Variants in MAGIX observed in about 807,000 individuals in gnomAD.
MAGIX encodes MAGI family member, X-linked.
MAGIX carries 13 observed loss-of-function variants against 10.0 expected under a neutral mutation model. That is an observed-to-expected ratio of 1.30 (90% CI 0.84 to 2.06). The LOEUF is 2.06. Ranked by LOEUF, MAGIX falls within the 30% of genes most tolerant of loss-of-function variation. MAGIX has a pLI of 0.00. For synonymous variants in MAGIX, 108 were observed against 106.8 expected, an observed-to-expected ratio of 1.01 and a Z score of -0.07; for missense variants, 235 against 245.2, an observed-to-expected ratio of 0.96 and a Z score of 0.28.
chrX:49,166,172 A>G, exon 5 of MAGIX: 2 of 1,211,449 alleles, frequency 1.7e-6, no homozygotes, highest in Non-Finnish European at 2.2e-6. Context: ...TCCATCCCGG[A>G]CGACGCTCAA....
exon 2 of MAGIX, chrX:49,163,846 GC>G: frequency 3.9e-6 from 4 of 1,037,437 alleles, no homozygotes; most frequent in Admixed American, 5.3e-5. Flanking sequence ...TTGGACGCGC[GC>G]CCCCTGGCGG....
intron 2 of MAGIX, chrX:49,164,220 G>A (rs782693618): frequency 3.3e-4 from 90 of 270,555 alleles, no homozygotes; most frequent in Admixed American, 2.4e-4. Flanking sequence ...AGAGTGCTTG[G>A]GGGGCGGGCA....
Position 49,166,517 on chromosome X carries a change from G to A in MAGIX, c.*118G>A, listed in dbSNP as rs1400658682. 4 of 581,724 alleles carry A rather than the reference G, an allele frequency of 6.9e-6. No homozygotes were observed. In the African/African-American group the frequency reaches 6.9e-5, roughly 10 times the overall value. 47.9% of individuals were successfully genotyped at this position (581,724 alleles called of 1,213,427 possible). A position where few individuals can be genotyped will look rare whatever the true frequency, so the allele number is the denominator to read the frequency against. ...TCCACTTGGTTTGGTCCCCCCACCC[G>A]CTGCTCAGTGGCTCTGACCACACTC... On this transcript the variant is annotated 3_prime_UTR_variant, in exon 5 of 5. Coordinates refer to ENST00000616266, the Ensembl canonical transcript of MAGIX.
downstream of MAGIX, chrX:49,168,489 A>C (rs1042892050): frequency 1.9e-5 from 2 of 104,265 alleles, no homozygotes; most frequent in Admixed American, 1.0e-4. Context: ...AAAAAAAAAA[A>C]AAAACTTCAG....
chrX:49,164,402 A>C, intron 2 of MAGIX: 1 of 390,109 alleles, frequency 2.6e-6, no homozygotes, highest in Non-Finnish European at 4.5e-6. Context: ...GGTGGGCCGA[A>C]TGGTGTTGTT....
intron 2 of MAGIX, chrX:49,164,332 CTAAT>C (rs1343071576): frequency 2.2e-5 from 7 of 315,189 alleles, no homozygotes; most frequent in Non-Finnish European, 3.3e-5. Context: ...GGGTTAGAGG[CTAAT>C]TAGAGGGCGT....
chrX:49,164,381 G>A (rs960799312), intron 2 of MAGIX: 5 of 365,956 alleles, frequency 1.4e-5, no homozygotes, highest in Non-Finnish European at 2.4e-5. Context: ...TTTTGGAGTA[G>A]CATTCTCCAG....
chrX:49,166,724 A>G (rs782620827), exon 5 of MAGIX: 23 of 224,984 alleles, frequency 1.0e-4, no homozygotes, highest in South Asian at 4.1e-4. Flanking sequence ...GTAATCGCTG[A>G]CGAGCTTCGT....
At chrX:49,164,762 T>G (rs1282721780) in exon 3 of MAGIX, 1 of 1,210,460 alleles carries the variant, frequency 8.3e-7, no homozygotes, top group Non-Finnish European at 1.1e-6. Flanking sequence ...GCCTGCCTCA[T>G]GCCACTATTG....
intron 1 of MAGIX, chrX:49,162,874 C>T (rs1454843911): frequency 2.2e-6 from 2 of 901,985 alleles, no homozygotes; most frequent in East Asian, 4.0e-5. Flanking sequence ...TGCGTCCACC[C>T]GGCGGACTAC....
chrX:49,165,389 A>C, intron 4 of MAGIX, 28 bp downstream of exon 5: 1 of 1,114,434 alleles, frequency 9.0e-7, no homozygotes, highest in Non-Finnish European at 1.2e-6. Context: ...GAGAAGTCAG[A>C]GATCAGTGAG....
exon 5 of MAGIX, chrX:49,166,234 C>G (rs781875806): frequency 1.6e-5 from 19 of 1,207,217 alleles, no homozygotes; most frequent in Non-Finnish European, 2.1e-5. Flanking sequence ...CCGATGGCCC[C>G]ACGGTTTCTC....
At chrX:49,167,641 G>A (rs918522444) in exon 5 of MAGIX, 40 of 112,168 alleles carry the variant, frequency 3.6e-4, no homozygotes, top group African/African-American at 1.1e-3. Flanking sequence ...GAACACTTGA[G>A]TGGTTAGAGC....
chrX:49,163,843 CG>C, exon 2 of MAGIX: 1 of 1,039,981 alleles, frequency 9.6e-7, no homozygotes, highest in Non-Finnish European at 1.2e-6. Flanking sequence ...CGGTTGGACG[CG>C]CGCCCCCTGG....
At chrX:49,165,164 A>G (rs781896904) in intron 3 of MAGIX, 26 bp from the exon 5 acceptor site, 3 of 1,199,818 alleles carry the variant, frequency 2.5e-6, no homozygotes, top group Non-Finnish European at 2.2e-6. Context: ...TTGCCTTTCC[A>G]ACACGACTGC....
rs1392254650 is a variant in MAGIX at position 49,163,781 on chromosome X, A to G, written c.-201-2A>G. On this transcript the variant is annotated splice_acceptor_variant, in intron 1 of 4. Transcript: ENST00000616266. LOFTEE classifies it low-confidence loss of function (5UTR_SPLICE). ...CGTTGACCTGTCCCCTCTTGCGCGC[A>G]GGCCGCGGCCCCTCCCCGCTCGCGG... is the stretch of plus-strand genomic sequence containing the variant. 3 of 1,045,246 alleles carry G rather than the reference A, an allele frequency of 2.9e-6. No individual in the cohort carries two copies. The highest frequency in any genetic ancestry group is 2.0e-5 in the African/African-American group (1 of 50,342). The allele number at this position is 1,045,246 out of a possible 1,213,427, so 86.1% of individuals were successfully genotyped here. A position where few individuals can be genotyped will look rare whatever the true frequency, so the allele number is the denominator to read the frequency against.
rs782388460 is a variant in MAGIX, at chrX:49,165,189, G to A, written c.331-1G>A. On this transcript the variant is annotated splice_acceptor_variant, in intron 3 of 4. Coordinates refer to ENST00000616266, the Ensembl canonical transcript of MAGIX. LOFTEE classifies it high-confidence loss of function. ...AACACGACTGCATTGCACTCCTCCA[G>A]GTCGGGGACCTCGTGCTCCACATCA... 8.4e-7 allele frequency: 1 copy of A among 1,195,977 alleles called. No homozygotes were observed. The highest frequency in any genetic ancestry group is 2.3e-5 in the Admixed American group (1 of 43,235).
chrX:49,163,625 C>T (rs1291890409), intron 1 of MAGIX, 158 bp from the exon 2 acceptor site: 31 of 438,307 alleles, frequency 7.1e-5, no homozygotes, highest in Non-Finnish European at 9.8e-5. Flanking sequence ...TCGGGGATCG[C>T]GTGAGGGGAG....
intron 3 of MAGIX, 37 bp downstream of exon 4, chrX:49,165,127 C>G (rs1557097473): frequency 1.7e-6 from 2 of 1,199,927 alleles, no homozygotes. Flanking sequence ...TAGGTGCTAT[C>G]CCTGCCTTTG....
Sources: allele counts gnomAD v4.1 joint callset, GRCh38; gene constraint gnomAD v4.1.1; transcripts MANE v1.5; gene names NCBI Gene and HGNC (gene_info 2026-07-23, HGNC 2026-07-21).